TBC1D8: variants seen among roughly 807,000 people sequenced by gnomAD.
The protein encoded by TBC1D8 is BUB2-like protein 1.
Under a neutral mutation model 118.8 loss-of-function variants are expected in TBC1D8, and 65 were observed. The ratio of observed to expected loss-of-function variants is 0.55; its 90% CI spans 0.45 to 0.67. The LOEUF (loss-of-function observed/expected upper bound fraction) is 0.67, where lower values mean the gene tolerates loss of function less well. TBC1D8 is among the 30% of genes least tolerant of loss of function. The pLI is 0.00. For synonymous variants in TBC1D8, 566 were observed against 595.8 expected (o/e 0.95, Z 0.73); for missense variants, 1,376 against 1,471.2 (o/e 0.94, Z 1.06).
rs1294734893 is a variant in TBC1D8, at chr2:101,110,202, G to A, written c.128-19838C>T. Reference sequence around the variant, plus strand: ...ATCTGATGCACAGTGATGGTACTAAGTCTGAGACAAAATGACAGCTACTGA... The same window carrying A: ...ATCTGATGCACAGTGATGGTACTAAATCTGAGACAAAATGACAGCTACTGA... On this transcript the variant is annotated intron_variant, in intron 1 of 19. Transcript: ENST00000409318. 3.3e-5 allele frequency among the ~76,000 whole-genome samples: 5 copies of A among 152,202 alleles called. No homozygotes were observed. In the East Asian group the frequency reaches 9.6e-4, roughly 29 times the overall value.
chr2:101,016,678 T>G (rs1679662898), intron 17 of TBC1D8, among the ~76,000 whole-genome samples: 1 of 152,200 alleles, frequency 6.6e-6, no homozygotes. Context: ...CCAACCCAAA[T>G]GTCCAACAAG....
At chr2:101,028,536 A>G (rs1438010628) in intron 12 of TBC1D8, 104 bp from the exon 13 acceptor site, 4 of 1,443,038 alleles carry the variant, frequency 2.8e-6, no homozygotes, top group African/African-American at 2.8e-5. Context: ...CCAAACACCA[A>G]CACCTGGGAG....
At chr2:101,029,912 A>C in intron 11 of TBC1D8, 136 bp from the exon 12 acceptor site, 2 of 854,536 alleles carry the variant, frequency 2.3e-6, no homozygotes, top group Non-Finnish European at 3.5e-6. Flanking sequence ...TGCTTAGTTC[A>C]TTGATTCTGA....
At chr2:101,083,429 T>C (rs914328170) in intron 2 of TBC1D8, among the ~76,000 whole-genome samples, 1 of 152,034 alleles carries the variant, frequency 6.6e-6, no homozygotes, top group Non-Finnish European at 1.5e-5. Flanking sequence ...CCCAAACAAC[T>C]CACAACCACT....
At chr2:101,040,490 G>T in intron 5 of TBC1D8, 105 bp from the exon 6 acceptor site, 1 of 1,216,020 alleles carries the variant, frequency 8.2e-7, no homozygotes, top group Non-Finnish European at 1.1e-6. Context: ...TTATTTTTGA[G>T]ACAGAGTCTC....
intron 5 of TBC1D8, among the ~76,000 whole-genome samples, chr2:101,043,216 G>A (rs1681490786): frequency 6.6e-6 from 1 of 152,216 alleles, no homozygotes; most frequent in Non-Finnish European, 1.5e-5. Flanking sequence ...CGCCTGAGCT[G>A]CCTCCAGAGA....
rs889308405 is a variant in TBC1D8 at position 101,050,519 on chromosome 2, G to A, written c.754C>T (p.Leu252=). 1 of 1,613,976 alleles carries A rather than the reference G, an allele frequency of 6.2e-7. No individual in the cohort carries two copies. Among genetic ancestry groups the A allele is most frequent in the Admixed American group, 1.7e-5 (1 of 60,022 alleles). Residue 252 remains leucine, a synonymous_variant, in exon 5 of 20, where the codon CTG becomes TTG. Transcript: ENST00000409318. ...KERDFSMFLN[L]DEVFKVMEQL... ...TCCATGACCTTAAACACCTCATCCAGGTTCAGGAACATGGAGAAGTCACGC... is the reference window on the plus strand; with the variant it reads ...TCCATGACCTTAAACACCTCATCCAAGTTCAGGAACATGGAGAAGTCACGC...
At chr2:101,055,450 T>C (rs1682366470) in intron 3 of TBC1D8, among the ~76,000 whole-genome samples, 1 of 152,154 alleles carries the variant, frequency 6.6e-6, no homozygotes, top group African/African-American at 2.4e-5. Context: ...AAAATGTTGG[T>C]ATTTAAGGCT....
chr2:101,082,015 G>A (rs551392527), intron 2 of TBC1D8, among the ~76,000 whole-genome samples: 5 of 152,154 alleles, frequency 3.3e-5, no homozygotes, highest in South Asian at 2.1e-4. Flanking sequence ...GGCAGGCACC[G>A]GTAATCCCAG....
chr2:101,022,356 C>A lies in TBC1D8; in HGVS notation c.2686G>T (p.Ala896Ser), dbSNP rs572578268. ...WTCGAHTEIL[A>S]ERTFRLLDDN... is the part of the protein sequence containing the mutation. The stretch of plus-strand genomic sequence containing the variant: ...TCCAAGAGCCTGAACGTCCTTTCGG[C>A]GAGGATCTCCGTGTGGGCCCCGCAG... Residue 896 changes from alanine to serine, a missense_variant, in exon 16 of 20, where the codon GCC becomes TCC. Coordinates refer to ENST00000409318, the MANE Select transcript of TBC1D8 (RefSeq NM_001330348.2). The A allele has an allele frequency of 5.6e-6, 9 of 1,612,422 alleles. No homozygotes were observed. Among genetic ancestry groups the A allele is most frequent in the Non-Finnish European group, 6.8e-6 (8 of 1,179,498 alleles).
chr2:101,009,360 C>T (rs1006992020), intron 19 of TBC1D8, among the ~76,000 whole-genome samples: 3 of 149,080 alleles, frequency 2.0e-5, no homozygotes, highest in African/African-American at 5.0e-5. Flanking sequence ...GAGCCGAGAT[C>T]GTGCCACTGC....
chr2:101,034,355 A>T (rs985607458), intron 9 of TBC1D8, among the ~76,000 whole-genome samples: 21 of 152,216 alleles, frequency 1.4e-4, no homozygotes, highest in African/African-American at 5.1e-4. Flanking sequence ...TCATGCATTA[A>T]TTCAACAAGA....
intron 15 of TBC1D8, 30 bp from the exon 16 acceptor site, chr2:101,022,551 T>TA (rs756908715): frequency 6.3e-7 from 1 of 1,576,334 alleles, no homozygotes; most frequent in Non-Finnish European, 8.5e-7. Context: ...AGGGAGTTCT[T>TA]ACCACTTATT....
intron 1 of TBC1D8, among the ~76,000 whole-genome samples, chr2:101,091,478 C>A (rs1469484707): frequency 6.6e-6 from 1 of 152,116 alleles, no homozygotes; most frequent in Non-Finnish European, 1.5e-5. Context: ...GTAATCCCAG[C>A]ACTTTGAGAG....
At chr2:101,093,799 T>C (rs942313860) in intron 1 of TBC1D8, among the ~76,000 whole-genome samples, 4 of 151,894 alleles carry the variant, frequency 2.6e-5, no homozygotes, top group Non-Finnish European at 5.9e-5. Context: ...AACCTCCGCC[T>C]CCCAGGTTCA....
At chr2:101,052,360 C>T (rs1424295764) in intron 4 of TBC1D8, among the ~76,000 whole-genome samples, 1 of 152,174 alleles carries the variant, frequency 6.6e-6, no homozygotes, top group Non-Finnish European at 1.5e-5. Context: ...CAATACAGAG[C>T]CAGCAAGGAG....
chr2:101,040,431 T>C, intron 5 of TBC1D8, 46 bp from the exon 6 acceptor site: 1 of 1,515,998 alleles, frequency 6.6e-7, no homozygotes, highest in Non-Finnish European at 9.0e-7. Flanking sequence ...GAAAGGTGAA[T>C]GGACAGCCAA....
intron 2 of TBC1D8, among the ~76,000 whole-genome samples, chr2:101,077,974 T>C (rs552217244): frequency 3.9e-5 from 6 of 152,278 alleles, no homozygotes; most frequent in South Asian, 4.1e-4. Context: ...GTTCAGATTT[T>C]TGCATTTCTG....
chr2:101,062,555 T>C (rs1682811947), intron 2 of TBC1D8, among the ~76,000 whole-genome samples: 1 of 152,204 alleles, frequency 6.6e-6, no homozygotes, highest in African/African-American at 2.4e-5. Context: ...CAAAATCATA[T>C]CAAATGAAGG....
Sources: allele counts gnomAD v4.1 joint callset (sites outside exome capture counted in the v4.1 genomes callset), GRCh38; gene constraint gnomAD v4.1.1; transcripts MANE v1.5; gene names NCBI Gene and HGNC (gene_info 2026-07-23, HGNC 2026-07-21).